Variants in ATR observed in about 807,000 individuals in gnomAD.
ATR encodes the protein serine/threonine-protein kinase ATR.
ATR carries 142 observed loss-of-function variants against 305.3 expected under a neutral mutation model. That is an observed-to-expected ratio of 0.47 (90% CI 0.41 to 0.53). The LOEUF is 0.53. Among genes scored for constraint, ATR ranks in the 20% least tolerant of loss-of-function variants. The probability of loss-of-function intolerance (pLI) is 0.00; values close to 1 mark genes in which losing one functional copy is unlikely to be tolerated. For synonymous variants in ATR, 1,050 were observed against 1,068.1 expected (o/e 0.98, Z 0.33); for missense variants, 2,135 against 3,133.1 (o/e 0.68, Z 7.60).
At position 142,493,239 on chromosome 3, in the gene ATR, G is replaced by A. The variant is rs757634741; in HGVS notation, c.5971C>T (p.Pro1991Ser). 6 of 1,613,864 alleles carry A rather than the reference G, an allele frequency of 3.7e-6. No homozygotes were observed. Among genetic ancestry groups the A allele is most frequent in the East Asian group, 2.2e-5 (1 of 44,874 alleles). ...ELCFPENETP[P>S]EGKNMLIHGR... ...TGGATTAACATGTTCTTACCCTCAG[G>A]TGGGGTTTCATTTTCAGGAAAACAT... The change falls in exon 35 of 47, where the codon CCT becomes TCT. Residue 1991 changes from proline (P) to serine (S), a missense_variant. Transcript: ENST00000350721.
Position 142,544,805 on chromosome 3 carries a change from T to C in ATR, c.3358-2048A>G, listed in dbSNP as rs186830652. On this transcript the variant is annotated intron_variant, in intron 16 of 46. Transcript: ENST00000350721. ...TATAATAGAGAGGAGTGAGGTATCC[T>C]ACAAGTCTCTCCAGATTAGATGTCA... Among the ~76,000 whole-genome samples, 145 of 152,202 alleles carry C rather than the reference T, an allele frequency of 9.5e-4. 2 individuals are homozygous for C. Among genetic ancestry groups the C allele is most frequent in the African/African-American group, 3.4e-3 (140 of 41,520 alleles).
chr3:142,452,016 T>C (rs2070802804), intron 46 of ATR: 1 of 1,025,886 alleles, frequency 9.7e-7, no homozygotes, highest in Non-Finnish European at 1.2e-6. Flanking sequence ...AGTGAATTTT[T>C]CCACAATTCT....
chr3:142,450,374 G>A, intron 46 of ATR: 1 of 1,491,142 alleles, frequency 6.7e-7, no homozygotes, highest in Non-Finnish European at 9.2e-7. Flanking sequence ...AAGTTACTTT[G>A]CCAGACCTTT....
At chr3:142,501,338 C>A (rs2031952087) in intron 30 of ATR, among the ~76,000 whole-genome samples, 1 of 152,174 alleles carries the variant, frequency 6.6e-6, no homozygotes, top group Non-Finnish European at 1.5e-5. Flanking sequence ...CTCAACTAAT[C>A]TGGAGAAACA....
intron 42 of ATR, among the ~76,000 whole-genome samples, chr3:142,461,098 T>C (rs1407804100): frequency 2.0e-5 from 3 of 152,164 alleles, no homozygotes; most frequent in South Asian, 4.1e-4. Context: ...ACTTTGACAT[T>C]TGTAAGGAGT....
chr3:142,463,435 C>T (rs1194799754), intron 41 of ATR, among the ~76,000 whole-genome samples: 2 of 152,176 alleles, frequency 1.3e-5, no homozygotes, highest in African/African-American at 4.8e-5. Flanking sequence ...CTCACTCTGT[C>T]ACCCAGGCTG....
At chr3:142,450,873 C>A in intron 46 of ATR, 1 of 1,319,132 alleles carries the variant, frequency 7.6e-7, no homozygotes, top group South Asian at 1.5e-5. Context: ...ACCAAGCAGA[C>A]AGATACCAAT....
chr3:142,477,936 T>TCC (rs2030026708), intron 36 of ATR, among the ~76,000 whole-genome samples: 1 of 152,136 alleles, frequency 6.6e-6, no homozygotes, highest in African/African-American at 2.4e-5. Flanking sequence ...ATCGGTGATA[T>TCC]CCCCTTTAAC....
chr3:142,520,158 A>C (rs916655774), intron 23 of ATR, among the ~76,000 whole-genome samples: 124 of 152,192 alleles, frequency 8.1e-4, no homozygotes, highest in African/African-American at 2.8e-3. Context: ...GGGGCTCCAC[A>C]AACTGTGCCC....
Position 142,470,202 on chromosome 3 carries a change from G to C in ATR, c.6222-19C>G. ...TAGAGATCTGCAATTATATAGACAAGAAACACTATTAGCATAGCTGTCATT... is the reference window on the plus strand; with the variant it reads ...TAGAGATCTGCAATTATATAGACAACAAACACTATTAGCATAGCTGTCATT... On this transcript the variant is annotated intron_variant, in intron 36 of 46. Coordinates refer to ENST00000350721, the MANE Select transcript of ATR (RefSeq NM_001184.4). 1 of 1,530,126 alleles carries C rather than the reference G, an allele frequency of 6.5e-7. No homozygotes were observed. Among genetic ancestry groups the C allele is most frequent in the South Asian group, 1.1e-5 (1 of 88,740 alleles). 94.8% of individuals were successfully genotyped at this position (1,530,126 alleles called of 1,614,324 possible). A position where few individuals can be genotyped will look rare whatever the true frequency, so the allele number is the denominator to read the frequency against.
intron 36 of ATR, among the ~76,000 whole-genome samples, chr3:142,476,062 G>T (rs1251976281): frequency 1.3e-5 from 2 of 152,098 alleles, no homozygotes; most frequent in Admixed American, 6.5e-5. Flanking sequence ...CACTCTGATG[G>T]TAGTTTCTTT....
At chr3:142,450,835 C>T (rs752409217) in intron 46 of ATR, 16 of 1,369,130 alleles carry the variant, frequency 1.2e-5, no homozygotes, top group Non-Finnish European at 1.5e-5. Flanking sequence ...AGCTTCCGTT[C>T]AGTTGCCATT....
intron 24 of ATR, among the ~76,000 whole-genome samples, 154 bp from the exon 25 acceptor site, chr3:142,515,669 T>A (rs1226862463): frequency 1.3e-5 from 2 of 152,190 alleles, no homozygotes; most frequent in African/African-American, 4.8e-5. Context: ...AGGGGTGAAG[T>A]AGGTCATTCT....
intron 18 of ATR, among the ~76,000 whole-genome samples, chr3:142,540,582 G>A (rs1021955404): frequency 3.3e-5 from 5 of 151,836 alleles, no homozygotes; most frequent in African/African-American, 1.2e-4. Context: ...ATAAGATTCT[G>A]GGATCTTCTC....
chr3:142,452,111 A>C, intron 46 of ATR: 2 of 1,019,464 alleles, frequency 2.0e-6, no homozygotes, highest in Non-Finnish European at 2.4e-6. Flanking sequence ...AGAACTAAAG[A>C]AGCAGCTAAA....
At position 142,562,258 on chromosome 3, in the gene ATR, C is replaced by T. The variant is rs779611201; in HGVS notation, c.1144G>A (p.Val382Met). 3 of 1,613,980 alleles carry T rather than the reference C, an allele frequency of 1.9e-6. No individual in the cohort carries two copies. Among genetic ancestry groups the T allele is most frequent in the Non-Finnish European group, 1.7e-6 (2 of 1,179,982 alleles). ...VRNICKALLD[V>M]LGIEVDAEYL... The stretch of plus-strand genomic sequence containing the variant: ...TCTGCATCTACCTCAATTCCAAGCA[C>T]ATCCAAAAGAGCTTTACAAATATTT... Residue 382 changes from valine (V) to methionine (M), a missense_variant, in exon 4 of 47, where the codon GTG becomes ATG. Coordinates refer to ENST00000350721, the MANE Select transcript of ATR (RefSeq NM_001184.4).
intron 21 of ATR, 41 bp downstream of exon 21, chr3:142,535,039 T>C (rs1436879302): frequency 6.4e-7 from 1 of 1,569,162 alleles, no homozygotes; most frequent in African/African-American, 1.4e-5. Flanking sequence ...GCCTCCAATC[T>C]TTCTTTGTTA....
intron 16 of ATR, among the ~76,000 whole-genome samples, chr3:142,544,579 T>A (rs1019917387): frequency 6.0e-5 from 9 of 149,290 alleles, no homozygotes; most frequent in African/African-American, 2.2e-4. Flanking sequence ...AAGAAGAATA[T>A]TCTTTTGTTT....
chr3:142,560,174 G>T, intron 6 of ATR, 89 bp downstream of exon 6: 1 of 1,309,954 alleles, frequency 7.6e-7, no homozygotes, highest in Non-Finnish European at 1.1e-6. Context: ...GTGTTCTAAG[G>T]TTACATGAGT....
Sources: allele counts gnomAD v4.1 joint callset (sites outside exome capture counted in the v4.1 genomes callset), GRCh38; gene constraint gnomAD v4.1.1; transcripts MANE v1.5; gene names NCBI Gene and HGNC (gene_info 2026-07-23, HGNC 2026-07-21).